Variants in COPB2 observed in about 807,000 individuals in gnomAD.
COPB2 encodes the protein coat protein complex I subunit beta 2.
In COPB2, 16 loss-of-function variants were observed where a neutral mutation model predicts 120.8. The observed-to-expected ratio is 0.13, with a 90% CI of 0.09 to 0.20. The LOEUF is 0.20. COPB2 is among the 10% of genes least tolerant of loss of function. COPB2 has a pLI of 1.00. For synonymous variants in COPB2, 332 were observed against 366.3 expected (o/e 0.91, Z 1.07); for missense variants, 794 against 1,076.5 (o/e 0.74, Z 3.67).
At position 139,357,618 on chromosome 3, in the gene COPB2, G is replaced by A. The variant is rs1941314251; in HGVS notation, c.*245C>T. 2.8e-6 allele frequency: 1 copy of A among 357,364 alleles called. No homozygotes were observed. The highest frequency in any genetic ancestry group is 5.0e-6 in the Non-Finnish European group (1 of 200,510). 22.1% of individuals were successfully genotyped at this position (357,364 alleles called of 1,614,324 possible). A position where few individuals can be genotyped will look rare whatever the true frequency, so the allele number is the denominator to read the frequency against. The stretch of plus-strand genomic sequence containing the variant: ...AATTCAAAAGGTTTTATGAGATATG[G>A]TCTAATAGTATGAAAAAAATCAAAG... On this transcript the variant is annotated 3_prime_UTR_variant, in exon 22 of 22. Coordinates refer to ENST00000333188, the MANE Select transcript of COPB2 (RefSeq NM_004766.3).
At chr3:139,360,192 T>TAA (rs10665711) in intron 17 of COPB2, among the ~76,000 whole-genome samples, 51,424 of 147,308 alleles carry the variant, frequency 0.35, 11,090 homozygotes, top group Non-Finnish European at 0.49. Context: ...TATGGGATTG[T>TAA]AAAAAAAAAA....
chr3:139,364,744 C>T (rs910452614), intron 15 of COPB2, among the ~76,000 whole-genome samples: 3 of 152,194 alleles, frequency 2.0e-5, no homozygotes, highest in Non-Finnish European at 4.4e-5. Flanking sequence ...ATGGGCCAAC[C>T]ACACCAGATA....
chr3:139,366,091 A>C (rs150669574), intron 15 of COPB2, among the ~76,000 whole-genome samples: 8 of 152,278 alleles, frequency 5.3e-5, no homozygotes, highest in African/African-American at 1.9e-4. Context: ...GAATTAGATA[A>C]AATAATTACC....
At chr3:139,376,659 T>C (rs551931557) in intron 5 of COPB2, among the ~76,000 whole-genome samples, 25 of 152,374 alleles carry the variant, frequency 1.6e-4, no homozygotes, top group Admixed American at 1.6e-3. Context: ...GGAAAACTAC[T>C]AACAGTGTTT....
At chr3:139,358,675 T>C in intron 20 of COPB2, 69 bp downstream of exon 20, 1 of 1,113,582 alleles carries the variant, frequency 9.0e-7, no homozygotes, top group Non-Finnish European at 1.4e-6. Context: ...AGCGAAACTC[T>C]GTCTCAAAAG....
At chr3:139,388,665 T>C (rs2107813625) in intron 1 of COPB2, among the ~76,000 whole-genome samples, 1 of 148,358 alleles carries the variant, frequency 6.7e-6, no homozygotes, top group East Asian at 2.0e-4. Flanking sequence ...TCTTGCTCTG[T>C]CCCAGGCTGG....
Position 139,367,026 on chromosome 3 carries a change from G to T in COPB2, c.1665C>A (p.Ala555=). The change falls in exon 14 of 22, where the codon GCC becomes GCA. Residue 555 remains alanine, a synonymous_variant. Transcript: ENST00000333188. The part of the protein sequence containing the change: ...YYVGGEIVTI[A]HLDRTMYLLG... ...TGATACTCAGGTACCTGTCCAAGTG[G>T]GCAATGGTGACTATTTCTCCTCCAA... The T allele has an allele frequency of 6.2e-7, 1 of 1,611,610 alleles. No individual in the cohort carries two copies. The highest frequency in any genetic ancestry group is 8.5e-7 in the Non-Finnish European group (1 of 1,179,318).
At chr3:139,387,920 T>C (rs950210357) in intron 1 of COPB2, among the ~76,000 whole-genome samples, 19 of 152,202 alleles carry the variant, frequency 1.2e-4, no homozygotes, top group African/African-American at 4.3e-4. Context: ...TATAACTCTA[T>C]CTCCCAGCTG....
At chr3:139,387,036 TA>T (rs1941937634) in intron 1 of COPB2, among the ~76,000 whole-genome samples, 1 of 92,960 alleles carries the variant, frequency 1.1e-5, no homozygotes, top group African/African-American at 3.2e-5. Context: ...CCGTCTCTAC[TA>T]AAAATACAAA....
chr3:139,370,568 T>G (rs896506527), intron 10 of COPB2, among the ~76,000 whole-genome samples: 1 of 152,184 alleles, frequency 6.6e-6, no homozygotes, highest in African/African-American at 2.4e-5. Flanking sequence ...AAGGGCGATT[T>G]AAATAATAAA....
intron 10 of COPB2, among the ~76,000 whole-genome samples, chr3:139,370,648 A>C (rs1364728390): frequency 1.3e-5 from 2 of 152,238 alleles, no homozygotes; most frequent in South Asian, 4.1e-4. Context: ...CTCTGCCTTG[A>C]AAAAAGGAGC....
At chr3:139,362,913 A>T (rs536794372) in intron 15 of COPB2, among the ~76,000 whole-genome samples, 10 of 152,272 alleles carry the variant, frequency 6.6e-5, no homozygotes, top group Non-Finnish European at 1.5e-4. Context: ...GTGTAAACTT[A>T]GCTGTTGGTA....
In COPB2 at chr3:139,375,551, A is replaced by G; in HGVS notation, c.568T>C (p.Cys190Arg). ...TCCCCACCACTGTAGTAATCAATGCAATTCACGCCTTTCTCATGTCCTTCC... is the reference window on the plus strand; with the variant it reads ...TCCCCACCACTGTAGTAATCAATGCGATTCACGCCTTTCTCATGTCCTTCC... The part of the protein sequence containing the change: ...TLEGHEKGVN[C>R]IDYYSGGDKP... Residue 190 changes from cysteine to arginine, a missense_variant, in exon 6 of 22, where the codon TGC becomes CGC. Physicochemically the swap from Cys to Arg is radical, Grantham distance 180. Coordinates refer to ENST00000333188, the MANE Select transcript of COPB2 (RefSeq NM_004766.3). 1.2e-6 allele frequency: 2 copies of G among 1,614,150 alleles called. No homozygotes were observed. The highest frequency in any genetic ancestry group is 1.7e-6 in the Non-Finnish European group (2 of 1,180,004).
chr3:139,360,461 T>G (rs548006079), intron 17 of COPB2, among the ~76,000 whole-genome samples: 6 of 148,088 alleles, frequency 4.1e-5, no homozygotes, highest in African/African-American at 1.5e-4. Flanking sequence ...GAGGCTGCAA[T>G]TAGCCGAGAT....
At chr3:139,367,415 G>A (rs1941538462) in intron 13 of COPB2, among the ~76,000 whole-genome samples, 1 of 151,576 alleles carries the variant, frequency 6.6e-6, no homozygotes, top group Non-Finnish European at 1.5e-5. Flanking sequence ...AGCCTCCCAA[G>A]TATCTGGGAT....
At chr3:139,387,928 C>G (rs1395903730) in intron 1 of COPB2, among the ~76,000 whole-genome samples, 1 of 152,194 alleles carries the variant, frequency 6.6e-6, no homozygotes, top group African/African-American at 2.4e-5. Context: ...TATCTCCCAG[C>G]TGCTGTGAGA....
At chr3:139,360,627 T>A (rs143902443) in intron 17 of COPB2, among the ~76,000 whole-genome samples, 1 of 152,092 alleles carries the variant, frequency 6.6e-6, no homozygotes, top group Non-Finnish European at 1.5e-5. Context: ...CTTAAAAATA[T>A]GAGACATCTT....
intron 1 of COPB2, chr3:139,384,886 G>C (rs1941885560): frequency 6.6e-6 from 1 of 152,234 alleles, no homozygotes; most frequent in African/African-American, 2.4e-5. Context: ...GCGTCTCACT[G>C]TTAAGAAAAT....
At chr3:139,383,573 T>A in intron 1 of COPB2, 138 bp from the exon 2 acceptor site, 1 of 742,526 alleles carries the variant, frequency 1.3e-6, no homozygotes, top group Non-Finnish European at 2.0e-6. Flanking sequence ...GTTTCAAGTC[T>A]AAGCACTTAT....
Sources: gnomAD v4.1 joint callset for allele counts (sites outside exome capture counted in the v4.1 genomes callset) on GRCh38, gnomAD v4.1.1 for gene constraint, MANE v1.5 for transcripts, NCBI Gene and HGNC (gene_info 2026-07-23, HGNC 2026-07-21) for gene names.